LRP1B: variants seen among roughly 807,000 people sequenced by gnomAD.
LRP1B encodes LDL receptor related protein 1B.
In LRP1B, 217 loss-of-function variants were observed where a neutral mutation model predicts 556.6. The observed-to-expected ratio is 0.39, with a 90% CI of 0.35 to 0.44. The LOEUF is 0.44. LRP1B is among the 20% of genes least tolerant of loss of function. The probability of loss-of-function intolerance (pLI) is 1.00; values close to 1 mark genes in which losing one functional copy is unlikely to be tolerated. For synonymous variants in LRP1B, 2,047 were observed against 1,865.8 expected, an observed-to-expected ratio of 1.10 and a Z score of -2.50; for missense variants, 5,053 against 5,620.8, an observed-to-expected ratio of 0.90 and a Z score of 3.23.
chr2:141,408,017 C>T (rs1022984120), intron 3 of LRP1B, among the ~76,000 whole-genome samples: 5 of 152,070 alleles, frequency 3.3e-5, no homozygotes, highest in African/African-American at 9.7e-5. Flanking sequence ...AGAGGCTCAG[C>T]CTGGTTTTCA....
chr2:141,125,983 T>C (rs1440938528), intron 7 of LRP1B, among the ~76,000 whole-genome samples: 2 of 152,080 alleles, frequency 1.3e-5, no homozygotes, highest in Admixed American at 6.6e-5. Context: ...GGCTCACCCT[T>C]GAGGACATGG....
At chr2:140,619,024 A>T (rs1683356707) in intron 41 of LRP1B, among the ~76,000 whole-genome samples, 1 of 151,892 alleles carries the variant, frequency 6.6e-6, no homozygotes, top group Admixed American at 6.6e-5. Flanking sequence ...TCGTAACGTG[A>T]CAAACATTTA....
intron 1 of LRP1B, among the ~76,000 whole-genome samples, chr2:141,912,408 T>C (rs1273208343): frequency 1.3e-5 from 2 of 152,138 alleles, no homozygotes; most frequent in African/African-American, 2.4e-5. Context: ...TTATCAATAA[T>C]GATCAACACT....
At chr2:141,192,145 C>T (rs1681542716) in intron 6 of LRP1B, among the ~76,000 whole-genome samples, 1 of 151,802 alleles carries the variant, frequency 6.6e-6, no homozygotes, top group Non-Finnish European at 1.5e-5. Flanking sequence ...GAAGTGTCTG[C>T]TTTTAATTTA....
At chr2:141,178,519 T>A (rs1279485189) in intron 7 of LRP1B, among the ~76,000 whole-genome samples, 1 of 152,138 alleles carries the variant, frequency 6.6e-6, no homozygotes, top group Non-Finnish European at 1.5e-5. Flanking sequence ...TGGAGAGGAC[T>A]GCAAGTCAGC....
chr2:141,044,723 C>A (rs1698815010), intron 11 of LRP1B, among the ~76,000 whole-genome samples: 2 of 150,010 alleles, frequency 1.3e-5, no homozygotes, highest in South Asian at 4.2e-4. Context: ...CAATGAGATA[C>A]CATCTCACAC....
intron 43 of LRP1B, among the ~76,000 whole-genome samples, chr2:140,567,535 G>A (rs1019639158): frequency 2.6e-5 from 4 of 152,218 alleles, no homozygotes; most frequent in Non-Finnish European, 4.4e-5. Context: ...GCTGCTAGGG[G>A]TTGTCTCAGA....
intron 84 of LRP1B, among the ~76,000 whole-genome samples, chr2:140,293,254 A>G (rs868609721): frequency 7.2e-5 from 11 of 152,294 alleles, no homozygotes; most frequent in South Asian, 2.1e-4. Context: ...AACTTCAGAT[A>G]TTGGTTAACC....
At chr2:141,679,921 A>G (rs1035739914) in intron 2 of LRP1B, among the ~76,000 whole-genome samples, 3 of 151,556 alleles carry the variant, frequency 2.0e-5, no homozygotes, top group Admixed American at 6.6e-5. Flanking sequence ...ATTATAAACT[A>G]TAAATATTAG....
At chr2:141,525,918 CTTTGT>C (rs1053083170) in intron 2 of LRP1B, among the ~76,000 whole-genome samples, 5 of 151,830 alleles carry the variant, frequency 3.3e-5, no homozygotes, top group Non-Finnish European at 7.4e-5. Context: ...GCTGGGTGTT[CTTTGT>C]TTTATTATTT....
At chr2:140,285,368 C>T (rs567638198) in intron 84 of LRP1B, among the ~76,000 whole-genome samples, 1 of 150,064 alleles carries the variant, frequency 6.7e-6, no homozygotes, top group African/African-American at 2.4e-5. Flanking sequence ...TATACACATA[C>T]ATATATATAC....
intron 7 of LRP1B, among the ~76,000 whole-genome samples, chr2:141,172,762 T>A (rs900686420): frequency 6.6e-6 from 1 of 151,996 alleles, no homozygotes; most frequent in Non-Finnish European, 1.5e-5. Flanking sequence ...AAACCAGGAA[T>A]GACTTAAAAT....
At chr2:141,288,906 T>C (rs1016488901) in intron 3 of LRP1B, among the ~76,000 whole-genome samples, 2 of 152,042 alleles carry the variant, frequency 1.3e-5, no homozygotes, top group African/African-American at 2.4e-5. Flanking sequence ...TTATTCCCAC[T>C]AGAAAGTGCA....
At chr2:140,537,542 G>A (rs902940756) in intron 45 of LRP1B, among the ~76,000 whole-genome samples, 1 of 151,942 alleles carries the variant, frequency 6.6e-6, no homozygotes, top group African/African-American at 2.4e-5. Context: ...GGAGGTTCCC[G>A]GGAGCAGACT....
intron 3 of LRP1B, among the ~76,000 whole-genome samples, chr2:141,265,858 A>C (rs1684866810): frequency 6.6e-6 from 1 of 152,222 alleles, no homozygotes; most frequent in African/African-American, 2.4e-5. Flanking sequence ...TCTGTTAAAA[A>C]ATATTTGTGC....
At chr2:142,084,601 T>C (rs1705840038) in intron 1 of LRP1B, among the ~76,000 whole-genome samples, 1 of 152,090 alleles carries the variant, frequency 6.6e-6, no homozygotes, top group South Asian at 2.1e-4. Context: ...GTCCTATTAA[T>C]TTTACATCTG....
At chr2:141,424,058 T>C (rs1680256408) in intron 3 of LRP1B, among the ~76,000 whole-genome samples, 1 of 152,022 alleles carries the variant, frequency 6.6e-6, no homozygotes, top group African/African-American at 2.4e-5. Flanking sequence ...GTCCAATGGA[T>C]TGATAATCAT....
At chr2:141,074,649 T>A (rs1699740959) in intron 7 of LRP1B, among the ~76,000 whole-genome samples, 1 of 138,778 alleles carries the variant, frequency 7.2e-6, no homozygotes, top group Non-Finnish European at 1.6e-5. Context: ...CATATATAAT[T>A]TTTTTCATCT....
intron 3 of LRP1B, among the ~76,000 whole-genome samples, chr2:141,353,517 A>G (rs190959572): frequency 6.6e-6 from 1 of 152,004 alleles, no homozygotes; most frequent in African/African-American, 2.4e-5. Flanking sequence ...AAACTTTTTT[A>G]ACATTAGCCA....
Sources: allele counts gnomAD v4.1 joint callset (sites outside exome capture counted in the v4.1 genomes callset), GRCh38; gene constraint gnomAD v4.1.1; transcripts MANE v1.5; gene names NCBI Gene and HGNC (gene_info 2026-07-23, HGNC 2026-07-21).